Variants in REPS2 observed in about 807,000 individuals in gnomAD.
The protein encoded by REPS2 is RALBP1 associated Eps domain containing 2.
A neutral mutation model predicts 53.6 loss-of-function variants in REPS2; 23 were observed. The ratio of observed to expected loss-of-function variants is 0.43; its 90% CI spans 0.31 to 0.61. The LOEUF is 0.61. Ranked by LOEUF, REPS2 falls within the 20% of genes least tolerant of loss-of-function variation. The pLI is 0.11. For missense variants in REPS2, 446 were observed against 534.9 expected (o/e 0.83, Z 1.64); for synonymous variants, 238 against 218.6 (o/e 1.09, Z -0.78).
intron 5 of REPS2, among the ~76,000 whole-genome samples, chrX:17,038,088 AG>A (rs2061788295): frequency 1.8e-5 from 2 of 112,466 alleles, no homozygotes; most frequent in African/African-American, 6.5e-5. Context: ...CCACCATGCC[AG>A]GGGTACACTG....
intron 2 of REPS2, among the ~76,000 whole-genome samples, chrX:17,007,198 C>G (rs988654348): frequency 1.8e-5 from 2 of 111,866 alleles, no homozygotes; most frequent in African/African-American, 6.5e-5. Flanking sequence ...TTATGGTGAG[C>G]CCATGGAAAC....
chrX:17,144,873 T>C (rs1474301388), intron 17 of REPS2, among the ~76,000 whole-genome samples: 1 of 111,659 alleles, frequency 9.0e-6, no homozygotes, highest in Non-Finnish European at 1.9e-5. Flanking sequence ...AGATGCAAAG[T>C]GTCACTGTGG....
Position 17,074,177 on chromosome X carries a change from T to C in REPS2, c.1379+18T>C. The C allele has an allele frequency of 8.3e-7, 1 of 1,198,140 alleles. No homozygotes were observed. Among genetic ancestry groups the C allele is most frequent in the South Asian group, 1.8e-5 (1 of 56,247 alleles). Reference sequence around the variant, plus strand: ...AGATCCAGGTAGTGTTCGTTTAATTTCTGCTTTAATGCCCTTTGTGCCGTG... The same window carrying C: ...AGATCCAGGTAGTGTTCGTTTAATTCCTGCTTTAATGCCCTTTGTGCCGTG... On this transcript the variant is annotated intron_variant, in intron 12 of 17. Transcript: ENST00000357277.
rs1178249731 is a variant in REPS2, at chrX:17,133,895, T to C, written c.1650T>C (p.Ser550=). Reference sequence around the variant, plus strand: ...CCCCATCCCAGGCTGCAGAAAGTAGTCCAGCAAAGAAGGTAAGGTCAGCCT... The same window carrying C: ...CCCCATCCCAGGCTGCAGAAAGTAGCCCAGCAAAGAAGGTAAGGTCAGCCT... ...SRAPSQAAES[S]PAKKDVLYSQ... Residue 550 remains serine, a synonymous_variant, in exon 15 of 18, where the codon AGT becomes AGC. Coordinates refer to ENST00000357277, the MANE Select transcript of REPS2 (RefSeq NM_004726.3). 1 of 1,209,739 alleles carries C rather than the reference T, an allele frequency of 8.3e-7. No homozygotes were observed. Among genetic ancestry groups the C allele is most frequent in the East Asian group, 3.0e-5 (1 of 33,850 alleles).
intron 9 of REPS2, among the ~76,000 whole-genome samples, chrX:17,063,311 G>A (rs1204513622): frequency 8.9e-6 from 1 of 112,013 alleles, no homozygotes; most frequent in East Asian, 2.8e-4. Context: ...GACTATTAGA[G>A]TCCTCTGACC....
chrX:17,103,926 A>G, intron 14 of REPS2, 147 bp downstream of exon 14: 1 of 531,867 alleles, frequency 1.9e-6, no homozygotes, highest in Non-Finnish European at 3.1e-6. Context: ...GAGTGGTTTA[A>G]TTTATTCTCA....
chrX:17,099,662 C>T (rs2062758334), intron 13 of REPS2: 1 of 424,707 alleles, frequency 2.4e-6, no homozygotes, highest in African/African-American at 2.5e-5. Context: ...ACGATACTGG[C>T]TCTTCAAAGG....
chrX:17,013,741 T>C (rs1034708149), intron 2 of REPS2, among the ~76,000 whole-genome samples: 1 of 110,736 alleles, frequency 9.0e-6, no homozygotes, highest in African/African-American at 3.3e-5. Flanking sequence ...AACTCATCCT[T>C]TCTGACTGAC....
the REPS2 span, among the ~76,000 whole-genome samples, chrX:17,162,876 C>T: frequency 8.9e-6 from 1 of 111,911 alleles, no homozygotes; most frequent in African/African-American, 3.2e-5. Flanking sequence ...CAACAACAAA[C>T]CATGGGGAGG....
rs1478194012 is a variant in REPS2, at chrX:16,974,133, C to G, written c.273+26999C>G. Among the ~76,000 whole-genome samples the G allele has an allele frequency of 4.5e-5, 5 of 111,526 alleles. No homozygotes were observed. In the Admixed American group the frequency reaches 4.8e-4, roughly 11 times the overall value. On this transcript the variant is annotated intron_variant, in intron 1 of 17. Coordinates refer to ENST00000357277, the MANE Select transcript of REPS2 (RefSeq NM_004726.3). ...AATTTAATATCAGTACTTTAGTATG[C>G]AGTCTGTATTCCAGTTTCATTAATT...
intron 6 of REPS2, among the ~76,000 whole-genome samples, chrX:17,048,046 G>A (rs931600545): frequency 2.7e-5 from 3 of 112,557 alleles, no homozygotes; most frequent in Non-Finnish European, 5.6e-5. Flanking sequence ...TAAAATTCAA[G>A]CTCAGAGGAA....
chrX:17,165,762 G>A, the REPS2 span, among the ~76,000 whole-genome samples: 7 of 110,939 alleles, frequency 6.3e-5, no homozygotes, highest in African/African-American at 2.3e-4. Flanking sequence ...GGAGAGGTTG[G>A]GTGGTGGGGA....
At chrX:17,060,845 T>C (rs2062149739) in intron 8 of REPS2, among the ~76,000 whole-genome samples, 1 of 111,007 alleles carries the variant, frequency 9.0e-6, no homozygotes. Flanking sequence ...CAATCAGATT[T>C]GCTATGTGAA....
chrX:16,959,925 C>A (rs2060640080), intron 1 of REPS2, among the ~76,000 whole-genome samples: 1 of 111,589 alleles, frequency 9.0e-6, no homozygotes, highest in Non-Finnish European at 1.9e-5. Context: ...ATGCAAAAAT[C>A]CTAAATAAAA....
the REPS2 span, among the ~76,000 whole-genome samples, chrX:17,188,144 C>A: frequency 9.0e-6 from 1 of 111,730 alleles, no homozygotes; most frequent in Admixed American, 9.5e-5. Flanking sequence ...TAATTCTCAC[C>A]CCTGCACTTC....
At chrX:17,037,483 A>T (rs1409491973) in intron 5 of REPS2, among the ~76,000 whole-genome samples, 1 of 111,622 alleles carries the variant, frequency 9.0e-6, no homozygotes, top group Non-Finnish European at 1.9e-5. Context: ...TATTTTTTGT[A>T]TATATTTCTT....
chrX:17,058,031 G>A (rs2062098126), intron 8 of REPS2, among the ~76,000 whole-genome samples: 1 of 112,288 alleles, frequency 8.9e-6, no homozygotes, highest in South Asian at 3.7e-4. Flanking sequence ...TTCTGTTTGG[G>A]GGTCATGACT....
chrX:16,956,188 G>T (rs2060590093), intron 1 of REPS2, among the ~76,000 whole-genome samples: 1 of 85,963 alleles, frequency 1.2e-5, no homozygotes, highest in African/African-American at 4.3e-5. Flanking sequence ...ATGTGGAAAA[G>T]AACTACATCT....
intron 13 of REPS2, among the ~76,000 whole-genome samples, chrX:17,101,886 T>A (rs1056846850): frequency 8.9e-6 from 1 of 111,941 alleles, no homozygotes; most frequent in Non-Finnish European, 1.9e-5. Flanking sequence ...TCATCTTGGC[T>A]GGAAGCACAA....
Sources: gnomAD v4.1 joint callset for allele counts (sites outside exome capture counted in the v4.1 genomes callset) on GRCh38, gnomAD v4.1.1 for gene constraint, MANE v1.5 for transcripts, NCBI Gene and HGNC (gene_info 2026-07-23, HGNC 2026-07-21) for gene names.